Variants in CDC14B observed in about 807,000 individuals in gnomAD.
CDC14B encodes the protein cell division cycle 14B, also known as dual specificity protein phosphatase CDC14B.
CDC14B carries 22 observed loss-of-function variants against 64.2 expected under a neutral mutation model. That is an observed-to-expected ratio of 0.34 (90% CI 0.24 to 0.49). The LOEUF (loss-of-function observed/expected upper bound fraction) is 0.49. Ranked by LOEUF, CDC14B falls within the 20% of genes least tolerant of loss-of-function variation. CDC14B has a pLI of 0.99. For synonymous variants in CDC14B, 191 were observed against 215.8 expected (o/e 0.89, Z 1.01); for missense variants, 498 against 629.9 (o/e 0.79, Z 2.24).
chr9:96,595,683 C>T (rs1846029138), intron 1 of CDC14B, among the ~76,000 whole-genome samples: 1 of 152,208 alleles, frequency 6.6e-6, no homozygotes, highest in East Asian at 1.9e-4. Context: ...CACAAACATG[C>T]TGTATGAAAA....
At chr9:96,542,502 T>TA (rs1333598885) in intron 5 of CDC14B, among the ~76,000 whole-genome samples, 6 of 151,972 alleles carry the variant, frequency 3.9e-5, no homozygotes, top group Non-Finnish European at 8.8e-5. Context: ...GTTTTTTTTT[T>TA]AAACTTTTTT....
rs141278376 is a variant in CDC14B at position 96,523,876 on chromosome 9, G to A, written c.947-151C>T. The A allele has an allele frequency of 7.6e-4, 537 of 704,604 alleles. 3 individuals carry two copies. The African/African-American group carries it at 8.7e-3, about 11-fold the overall frequency. 43.6% of individuals were successfully genotyped at this position (704,604 alleles called of 1,614,324 possible). ...TGGTTACACTCTGGAATCACCTAGA[G>A]AGGTTTTTAAATACTGATGCCCGGT... On this transcript the variant is annotated intron_variant, in intron 9 of 13. Transcript: ENST00000375241.
At chr9:96,527,260 G>A (rs867306833) in intron 9 of CDC14B, among the ~76,000 whole-genome samples, 4 of 152,208 alleles carry the variant, frequency 2.6e-5, no homozygotes, top group East Asian at 3.9e-4. Context: ...TTAGCCGGGC[G>A]CGGTGGCGGG....
At chr9:96,581,362 G>A (rs1845139464) in intron 1 of CDC14B, among the ~76,000 whole-genome samples, 1 of 151,164 alleles carries the variant, frequency 6.6e-6, no homozygotes, top group Non-Finnish European at 1.5e-5. Context: ...CCAGCTACTT[G>A]GGAGGCTGAG....
rs1587933889 is a variant in CDC14B, at chr9:96,551,988, C to T, written c.421-116G>A. On this transcript the variant is annotated intron_variant, in intron 4 of 13. Coordinates refer to ENST00000375241, the MANE Select transcript of CDC14B (RefSeq NM_033331.4). Reference sequence around the variant, plus strand: ...CAACTGAGCAGGGTTCTCCAGCCTTCCCCAGGAGCCTAGGAATCACCCAGA... The same window carrying T: ...CAACTGAGCAGGGTTCTCCAGCCTTTCCCAGGAGCCTAGGAATCACCCAGA... 11 of 1,316,116 alleles carry T rather than the reference C, an allele frequency of 8.4e-6. No homozygotes were observed. The East Asian group carries it at 2.3e-4, about 28-fold the overall frequency. The allele number at this position is 1,316,116 out of a possible 1,614,324, so 81.5% of individuals were successfully genotyped here.
intron 4 of CDC14B, among the ~76,000 whole-genome samples, chr9:96,558,983 G>A (rs1842826254): frequency 6.6e-6 from 1 of 152,106 alleles, no homozygotes; most frequent in Non-Finnish European, 1.5e-5. Flanking sequence ...GCCACATGAA[G>A]AGCAATACTT....
intron 5 of CDC14B, among the ~76,000 whole-genome samples, chr9:96,544,153 G>A (rs1378160058): frequency 6.6e-6 from 1 of 151,992 alleles, no homozygotes; most frequent in Admixed American, 6.6e-5. Flanking sequence ...GGAGGCAGAG[G>A]TTGCAATGAG....
chr9:96,605,089 C>T (rs1846793337), intron 1 of CDC14B, among the ~76,000 whole-genome samples: 1 of 151,880 alleles, frequency 6.6e-6, no homozygotes, highest in African/African-American at 2.4e-5. Flanking sequence ...TACCAGGACA[C>T]AACATAGTGA....
At chr9:96,518,739 A>G (rs1483524962) in intron 12 of CDC14B, among the ~76,000 whole-genome samples, 2 of 152,206 alleles carry the variant, frequency 1.3e-5, no homozygotes. Flanking sequence ...CTCTCTACCG[A>G]TCCCAGCCTT....
intron 1 of CDC14B, among the ~76,000 whole-genome samples, chr9:96,604,342 TTTATTATTATTATTATTATTATTA>T (rs148185898): frequency 2.3e-5 from 3 of 131,862 alleles, no homozygotes; most frequent in African/African-American, 9.2e-5. Context: ...GAAGCTTGCA[TTTATTATTATTATTATTATTATTA>T]TTATTATTAT....
In CDC14B at chr9:96,550,561, C is replaced by T. The variant is rs16911206; in HGVS notation, c.497+1235G>A. Among the ~76,000 whole-genome samples the T allele has an allele frequency of 1.5e-3, 230 of 152,122 alleles. 2 individuals are homozygous for T. In the East Asian group the frequency reaches 0.039, roughly 26 times the overall value. ...TGTGGTTTATGTAACAATCCTAATA[C>T]GATAAACTAACGAACTAATTAGTTT... On this transcript the variant is annotated intron_variant, in intron 5 of 13. Coordinates refer to ENST00000375241, the MANE Select transcript of CDC14B (RefSeq NM_033331.4).
At chr9:96,550,915 T>C (rs1841705816) in intron 5 of CDC14B, among the ~76,000 whole-genome samples, 1 of 152,092 alleles carries the variant, frequency 6.6e-6, no homozygotes, top group Admixed American at 6.5e-5. Flanking sequence ...CTGGAAGTGG[T>C]ACTGCATTAG....
Position 96,515,582 on chromosome 9 carries a change from T to C in CDC14B, c.1344-5793A>G. On this transcript the variant is annotated intron_variant, in intron 12 of 13. Coordinates refer to ENST00000375241, the MANE Select transcript of CDC14B (RefSeq NM_033331.4). The surrounding 1 kb of genome is among the most constrained non-coding windows in gnomAD (Gnocchi z 4.3). ...CTAGGAGCTGACAAGGAGAAAAACA[T>C]GCATTGTGGGAACCACACTAGGCAC... 1.4e-6 allele frequency: 2 copies of C among 1,393,966 alleles called. No homozygotes were observed. Among genetic ancestry groups the C allele is most frequent in the Non-Finnish European group, 1.9e-6 (2 of 1,057,144 alleles). The allele number at this position is 1,393,966 out of a possible 1,614,324, so 86.3% of individuals were successfully genotyped here.
chr9:96,496,844 T>C (rs1010288136), downstream of CDC14B, among the ~76,000 whole-genome samples: 2 of 152,158 alleles, frequency 1.3e-5, no homozygotes, highest in African/African-American at 4.8e-5. Context: ...TCCTGTGTAC[T>C]GCCCAGGACA....
chr9:96,533,276 A>G (rs1304127011), intron 9 of CDC14B, among the ~76,000 whole-genome samples: 1 of 152,016 alleles, frequency 6.6e-6, no homozygotes, highest in East Asian at 1.9e-4. Context: ...GCCTGGATTT[A>G]TTTCTTCCCT....
rs1833733449 is a variant in CDC14B, at chr9:96,503,522, G to A, written c.*231C>T. ...TACACCTGAGACTAAATTTACAACA[G>A]CATGTTTGTCATTCAGCTTGAGAGC... On this transcript the variant is annotated 3_prime_UTR_variant, in exon 14 of 14. Coordinates refer to ENST00000375241, the MANE Select transcript of CDC14B (RefSeq NM_033331.4). 4 of 549,310 alleles carry A rather than the reference G, an allele frequency of 7.3e-6. No individual in the cohort carries two copies. The highest frequency in any genetic ancestry group is 9.6e-6 in the Non-Finnish European group (3 of 313,094). The allele number at this position is 549,310 out of a possible 1,614,324, so 34.0% of individuals were successfully genotyped here.
rs148378538 is a variant in CDC14B at position 96,618,446 on chromosome 9, C to G, written c.160+773G>C. On this transcript the variant is annotated intron_variant, in intron 1 of 13. Coordinates refer to ENST00000375241, the MANE Select transcript of CDC14B (RefSeq NM_033331.4). Reference sequence around the variant, plus strand: ...AATTGGATTTATGAGTCTCCAAGAACAGTCGAATCAGCACTAACAGAACAG... The same window carrying G: ...AATTGGATTTATGAGTCTCCAAGAAGAGTCGAATCAGCACTAACAGAACAG... The G allele has an allele frequency of 1.2e-4, 64 of 530,618 alleles. 1 individual carries two copies. The highest frequency in any genetic ancestry group is 8.6e-4 in the Admixed American group (44 of 51,394). The allele number at this position is 530,618 out of a possible 1,614,324, so 32.9% of individuals were successfully genotyped here.
intron 6 of CDC14B, among the ~76,000 whole-genome samples, chr9:96,539,873 C>T (rs540155419): frequency 1.3e-5 from 2 of 152,328 alleles, no homozygotes; most frequent in South Asian, 2.1e-4. Context: ...ATCCTCCTGG[C>T]TGCTGATCCC....
At chr9:96,520,012 T>C (rs12115715) in intron 12 of CDC14B, among the ~76,000 whole-genome samples, 6 of 152,108 alleles carry the variant, frequency 3.9e-5, no homozygotes, top group Non-Finnish European at 7.4e-5. Flanking sequence ...AATAACAACA[T>C]AGACACAAGA....
Sources: allele counts gnomAD v4.1 joint callset (sites outside exome capture counted in the v4.1 genomes callset), GRCh38; gene constraint gnomAD v4.1.1; non-coding constraint Gnocchi (gnomAD v3.1); transcripts MANE v1.5; gene names NCBI Gene and HGNC (gene_info 2026-07-23, HGNC 2026-07-21).